Variants in NCK1 observed in about 807,000 individuals in gnomAD.
The protein encoded by NCK1 is SH2/SH3 adapter protein NCK1.
A neutral mutation model predicts 36.6 loss-of-function variants in NCK1; 19 were observed. The observed-to-expected ratio is 0.52, with a 90% CI of 0.36 to 0.76. The LOEUF is 0.76. Among genes scored for constraint, NCK1 ranks in the 30% least tolerant of loss-of-function variants. NCK1 has a pLI of 0.00. For synonymous variants in NCK1, 165 were observed against 156.0 expected, an observed-to-expected ratio of 1.06 and a Z score of -0.43; for missense variants, 358 against 445.6, an observed-to-expected ratio of 0.80 and a Z score of 1.77.
rs142510498 is a variant in NCK1, at chr3:136,878,833, C to G, written c.-19+16480C>G. Among the ~76,000 whole-genome samples, 5 of 152,202 alleles carry G rather than the reference C, an allele frequency of 3.3e-5. No homozygotes were observed. In the East Asian group the frequency reaches 9.7e-4, roughly 29 times the overall value. On this transcript the variant is annotated intron_variant, in intron 1 of 3. Transcript: ENST00000481752. ...TCTGACACTGAGGGTGGGCCCTAGACACAATTGGAGGTCAAGCGTTCTACA... is the reference window on the plus strand; with the variant it reads ...TCTGACACTGAGGGTGGGCCCTAGAGACAATTGGAGGTCAAGCGTTCTACA...
At chr3:136,864,384 G>A (rs948945408) in intron 1 of NCK1, among the ~76,000 whole-genome samples, 1 of 151,946 alleles carries the variant, frequency 6.6e-6, no homozygotes, top group Non-Finnish European at 1.5e-5. Context: ...CCAGCTACTC[G>A]GGAGTCTGAG....
chr3:136,930,001 T>C (rs1419593060), intron 2 of NCK1, among the ~76,000 whole-genome samples: 2 of 152,226 alleles, frequency 1.3e-5, no homozygotes, highest in Non-Finnish European at 2.9e-5. Flanking sequence ...TTTATTACTG[T>C]ATTACAGTTA....
At chr3:136,876,170 T>G (rs1401893030) in intron 1 of NCK1, among the ~76,000 whole-genome samples, 3 of 151,460 alleles carry the variant, frequency 2.0e-5, no homozygotes, top group Non-Finnish European at 2.9e-5. Flanking sequence ...AGAGGGAAAT[T>G]TATAGCACTA....
At chr3:136,907,721 A>G (rs990533281) in intron 1 of NCK1, among the ~76,000 whole-genome samples, 3 of 152,210 alleles carry the variant, frequency 2.0e-5, no homozygotes, top group South Asian at 4.1e-4. Context: ...TGGAAGAGGC[A>G]AGTACCAAAT....
At chr3:136,947,315 T>TA (rs111393181) in intron 3 of NCK1, among the ~76,000 whole-genome samples, 5 of 152,228 alleles carry the variant, frequency 3.3e-5, no homozygotes, top group African/African-American at 9.6e-5. Context: ...TGGGGGTTGA[T>TA]ATAGACTGTA....
At chr3:136,920,808 A>G (rs1358120477) in intron 1 of NCK1, among the ~76,000 whole-genome samples, 3 of 152,234 alleles carry the variant, frequency 2.0e-5, no homozygotes, top group African/African-American at 7.2e-5. Context: ...TAATTAACAC[A>G]GCAAACATGT....
intron 2 of NCK1, among the ~76,000 whole-genome samples, chr3:136,934,779 G>A (rs956277551): frequency 9.2e-5 from 14 of 152,172 alleles, no homozygotes; most frequent in Admixed American, 6.5e-5. Flanking sequence ...ATTTAAACTT[G>A]TATCTCCTAT....
chr3:136,936,951 A>T (rs1940546676), intron 2 of NCK1, among the ~76,000 whole-genome samples: 1 of 152,166 alleles, frequency 6.6e-6, no homozygotes, highest in African/African-American at 2.4e-5. Context: ...ATAGTGTGTT[A>T]TACACAAATG....
At chr3:136,925,320 A>C (rs566025393) in intron 1 of NCK1, among the ~76,000 whole-genome samples, 1 of 151,974 alleles carries the variant, frequency 6.6e-6, no homozygotes, top group Non-Finnish European at 1.5e-5. Context: ...TTTCTCTTTC[A>C]GTTTTTATTT....
chr3:136,862,272 G>A lies in NCK1; in HGVS notation c.-100G>A, dbSNP rs994507064. The A allele has an allele frequency of 3.9e-5, 6 of 152,590 alleles. No homozygotes were observed. Among genetic ancestry groups the A allele is most frequent in the African/African-American group, 1.4e-4 (6 of 41,422 alleles). 9.5% of individuals were successfully genotyped at this position (152,590 alleles called of 1,614,324 possible). A position where few individuals can be genotyped will look rare whatever the true frequency, so the allele number is the denominator to read the frequency against. ...GGCGGCGGAGCGCAGGCCTCGTGCCGTTACGGCCATCACGGCGGCCGCAGT... is the reference window on the plus strand; with the variant it reads ...GGCGGCGGAGCGCAGGCCTCGTGCCATTACGGCCATCACGGCGGCCGCAGT... On this transcript the variant is annotated 5_prime_UTR_variant, in exon 1 of 4. Transcript: ENST00000481752.
chr3:136,892,384 T>TTTC (rs1939269938), intron 1 of NCK1, among the ~76,000 whole-genome samples: 1 of 152,228 alleles, frequency 6.6e-6, no homozygotes, highest in Non-Finnish European at 1.5e-5. Flanking sequence ...GTTTGACTCT[T>TTTC]TTCGGTTGCC....
intron 1 of NCK1, among the ~76,000 whole-genome samples, chr3:136,887,553 T>C (rs1384802726): frequency 3.3e-5 from 5 of 152,202 alleles, no homozygotes; most frequent in South Asian, 2.1e-4. Context: ...AGTGAATTAG[T>C]TGAAAGTTGC....
At position 136,938,430 on chromosome 3, in the gene NCK1, TGATGTGCAC is replaced by T. The variant is rs1257775951; in HGVS notation, c.227-7152_227-7144del. ...CAGTGTGGCAAAAATGTGAGTCATC[TGATGTGCAC>T]ATTCCCAGTTGAGGCAATGTTCTTC... is the stretch of plus-strand genomic sequence containing the variant. On this transcript the variant is annotated intron_variant, in intron 2 of 3. Transcript: ENST00000481752. Among the ~76,000 whole-genome samples the T allele has an allele frequency of 5.1e-4, 78 of 152,326 alleles. 1 individual carries two copies. The highest frequency in any genetic ancestry group is 3.1e-3 in the Admixed American group (47 of 15,294).
chr3:136,882,330 A>G (rs766233384), intron 1 of NCK1, among the ~76,000 whole-genome samples: 5 of 151,758 alleles, frequency 3.3e-5, no homozygotes, highest in East Asian at 1.9e-4. Context: ...AGAAATGTCT[A>G]TTTTGTTCGT....
At chr3:136,932,212 G>A (rs1209887237) in intron 2 of NCK1, among the ~76,000 whole-genome samples, 1 of 151,820 alleles carries the variant, frequency 6.6e-6, no homozygotes, top group Admixed American at 6.6e-5. Context: ...TTTTTGCTGA[G>A]TCTTAGGAAG....
At chr3:136,902,447 G>A (rs1020801632) in intron 1 of NCK1, among the ~76,000 whole-genome samples, 5 of 152,058 alleles carry the variant, frequency 3.3e-5, no homozygotes, top group African/African-American at 1.2e-4. Flanking sequence ...TGCCCACCTC[G>A]GCCTCCCAGA....
chr3:136,879,604 C>A lies in NCK1; in HGVS notation c.-19+17251C>A, dbSNP rs532035192. On this transcript the variant is annotated intron_variant, in intron 1 of 3. Transcript: ENST00000481752. The stretch of plus-strand genomic sequence containing the variant: ...TATTCACAATAGCAAAGACTTGGAA[C>A]CAACCCAAATGTCCATCAACAATAG... Among the ~76,000 whole-genome samples the A allele has an allele frequency of 3.9e-5, 6 of 152,198 alleles. No homozygotes were observed. The East Asian group carries it at 1.2e-3, about 29-fold the overall frequency.
intron 1 of NCK1, among the ~76,000 whole-genome samples, chr3:136,894,091 G>A (rs1285310033): frequency 1.3e-5 from 2 of 152,096 alleles, no homozygotes; most frequent in Admixed American, 6.6e-5. Flanking sequence ...AATAATCAGG[G>A]TCATTTATCA....
chr3:136,866,739 G>A (rs547792915), intron 1 of NCK1, among the ~76,000 whole-genome samples: 72 of 150,886 alleles, frequency 4.8e-4, no homozygotes, highest in African/African-American at 1.6e-3. Flanking sequence ...TCAGTCTTCC[G>A]AGTAGCTAGG....
Sources: allele counts gnomAD v4.1 joint callset (sites outside exome capture counted in the v4.1 genomes callset), GRCh38; gene constraint gnomAD v4.1.1; transcripts MANE v1.5; gene names NCBI Gene and HGNC (gene_info 2026-07-23, HGNC 2026-07-21).